Variants in ABCG5 observed in about 807,000 individuals in gnomAD.
ABCG5 encodes ATP binding cassette subfamily G member 5.
ABCG5 carries 64 observed loss-of-function variants against 64.5 expected under a neutral mutation model. That is an observed-to-expected ratio of 0.99 (90% CI 0.81 to 1.22). The LOEUF is 1.22. ABCG5 is among the 50% of genes most tolerant of loss of function. The pLI, the probability that ABCG5 is intolerant of heterozygous loss-of-function variation, is 0.00. For synonymous variants in ABCG5, 385 were observed against 326.3 expected, an observed-to-expected ratio of 1.18 and a Z score of -1.94; for missense variants, 908 against 829.5, an observed-to-expected ratio of 1.09 and a Z score of -1.16.
rs748096191 is a variant in ABCG5, at chr2:43,831,832, C to T, written c.438G>A (p.Glu146=). Residue 146 remains glutamate (E), a synonymous_variant, in exon 4 of 13, where the codon GAG becomes GAA. Coordinates refer to ENST00000405322, the MANE Select transcript of ABCG5 (RefSeq NM_022436.3). ...DTLLSSLTVR[E]TLHYTALLAI... is the part of the protein sequence containing the mutation. ...CCAGCAGCGCGGTGTAGTGCAGCGT[C>T]TCGCGCACGGTGAGGCTGCTCAGCA... The T allele has an allele frequency of 1.3e-6, 2 of 1,587,632 alleles. No individual in the cohort carries two copies. Among genetic ancestry groups the T allele is most frequent in the African/African-American group, 1.3e-5 (1 of 74,662 alleles).
intron 2 of ABCG5, among the ~76,000 whole-genome samples, chr2:43,832,866 G>C (rs1330501497): frequency 1.3e-5 from 2 of 152,182 alleles, no homozygotes; most frequent in African/African-American, 2.4e-5. Context: ...CTGGAGTGCA[G>C]TGGCACAATC....
At chr2:43,837,997 CT>C (rs758688852) in intron 1 of ABCG5, 42 bp from the exon 2 acceptor site, 15 of 1,612,624 alleles carry the variant, frequency 9.3e-6, no homozygotes, top group Admixed American at 1.7e-5. Context: ...GCTTGGGGCC[CT>C]GGAAGGGGCC....
chr2:43,822,282 C>T (rs896424916), intron 10 of ABCG5, among the ~76,000 whole-genome samples: 1 of 152,150 alleles, frequency 6.6e-6, no homozygotes, highest in Non-Finnish European at 1.5e-5. Context: ...CCTTTAACCC[C>T]TGCAATATTG....
In ABCG5 at chr2:43,838,652, C is replaced by T. The variant is rs761311404; in HGVS notation, c.28G>A (p.Gly10Arg). The change falls in exon 1 of 13, where the codon GGA becomes AGA. Residue 10 changes from glycine (G) to arginine (R), a missense_variant. Coordinates refer to ENST00000405322, the MANE Select transcript of ABCG5 (RefSeq NM_022436.3). The surrounding 1 kb of genome is among the most constrained non-coding windows in gnomAD (Gnocchi z 4.2). ...TTTACTTGGAGACCCATGGACCCTC[C>T]GGGGGTCAAAGATGAGAGGTCACCC... MGDLSSLTP[G>R]GSMGLQVNRG... is the part of the protein sequence containing the mutation. 24 of 1,613,608 alleles carry T rather than the reference C, an allele frequency of 1.5e-5. No individual in the cohort carries two copies. In the Admixed American group the frequency reaches 3.0e-4, roughly 20 times the overall value.
downstream of ABCG5, among the ~76,000 whole-genome samples, chr2:43,808,727 G>A (rs1391546649): frequency 1.3e-5 from 2 of 152,150 alleles, no homozygotes; most frequent in Non-Finnish European, 1.5e-5. Context: ...CTATCTGTGT[G>A]CTTTTTTCAT....
At chr2:43,823,070 G>A in intron 9 of ABCG5, 135 bp from the exon 10 acceptor site, 4 of 1,176,982 alleles carry the variant, frequency 3.4e-6, no homozygotes, top group Non-Finnish European at 4.9e-6. Flanking sequence ...AGTCATAGAA[G>A]GAGGGGACCT....
At chr2:43,815,345 A>C (rs889577870) in intron 11 of ABCG5, among the ~76,000 whole-genome samples, 2 of 152,226 alleles carry the variant, frequency 1.3e-5, no homozygotes, top group African/African-American at 4.8e-5. Flanking sequence ...TGAGAACTTC[A>C]AAAGATGTAT....
At chr2:43,817,174 C>CA (rs1184565116) in intron 11 of ABCG5, among the ~76,000 whole-genome samples, 4 of 152,210 alleles carry the variant, frequency 2.6e-5, no homozygotes, top group African/African-American at 9.7e-5. Context: ...GTATTCTTTG[C>CA]AACTGCCTAC....
chr2:43,837,210 C>T (rs572630573), intron 2 of ABCG5, among the ~76,000 whole-genome samples: 1 of 151,004 alleles, frequency 6.6e-6, no homozygotes, highest in African/African-American at 2.4e-5. Context: ...GTCTTAATCT[C>T]CTGGGCTCAA....
intron 11 of ABCG5, among the ~76,000 whole-genome samples, chr2:43,815,304 TTC>T (rs778782818): frequency 6.6e-6 from 1 of 152,222 alleles, no homozygotes; most frequent in Non-Finnish European, 1.5e-5. Flanking sequence ...ATAAAATTCT[TTC>T]TGTTTGCAAG....
intron 4 of ABCG5, among the ~76,000 whole-genome samples, chr2:43,831,229 A>G (rs868822814): frequency 3.6e-4 from 55 of 152,140 alleles, no homozygotes; most frequent in African/African-American, 1.3e-3. Flanking sequence ...CTGGAGTGCA[A>G]TGGTGCAATC....
At chr2:43,828,784 G>A (rs987281964) in intron 4 of ABCG5, among the ~76,000 whole-genome samples, 5 of 152,056 alleles carry the variant, frequency 3.3e-5, no homozygotes, top group Non-Finnish European at 4.4e-5. Flanking sequence ...TAGCCAACAC[G>A]GTGAAACCCT....
intron 11 of ABCG5, among the ~76,000 whole-genome samples, chr2:43,817,490 A>G (rs1012833879): frequency 1.3e-5 from 2 of 151,762 alleles, no homozygotes; most frequent in Non-Finnish European, 2.9e-5. Flanking sequence ...CTCTGCGTCA[A>G]GAAACAAACA....
chr2:43,827,170 C>A (rs1667663140), intron 5 of ABCG5, among the ~76,000 whole-genome samples: 1 of 151,900 alleles, frequency 6.6e-6, no homozygotes, highest in Admixed American at 6.6e-5. Context: ...ACTAAAAGAA[C>A]AAAAATTAGC....
intron 11 of ABCG5, among the ~76,000 whole-genome samples, chr2:43,816,730 T>C (rs1050642014): frequency 3.9e-5 from 6 of 152,050 alleles, no homozygotes; most frequent in Non-Finnish European, 7.4e-5. Flanking sequence ...TGTTGTTAAA[T>C]GGGAAAAAAA....
chr2:43,836,214 T>C (rs6728053), intron 2 of ABCG5, among the ~76,000 whole-genome samples: 67,387 of 151,728 alleles, frequency 0.44, 15,959 homozygotes, highest in East Asian at 0.84. Context: ...GTGCTGGGAT[T>C]ACAAGCATGA....
upstream of ABCG5, chr2:43,839,212 AC>A: frequency 3.0e-6 from 4 of 1,312,184 alleles, no homozygotes; most frequent in South Asian, 1.3e-5. Context: ...TCCTAGCACC[AC>A]CCGGACATCA....
At chr2:43,807,509 G>C (rs138749148), downstream of ABCG5, among the ~76,000 whole-genome samples, 18 of 151,952 alleles carry the variant, frequency 1.2e-4, no homozygotes, top group African/African-American at 3.6e-4. Context: ...GGGAGATCAT[G>C]GCTCACTGCA....
intron 2 of ABCG5, among the ~76,000 whole-genome samples, chr2:43,834,114 G>C (rs111933396): frequency 0.013 from 2,048 of 152,328 alleles, 54 homozygotes; most frequent in African/African-American, 0.047. Flanking sequence ...GCGTGTTCAG[G>C]AGGTGGACAG....
Sources: allele counts gnomAD v4.1 joint callset (sites outside exome capture counted in the v4.1 genomes callset), GRCh38; gene constraint gnomAD v4.1.1; non-coding constraint Gnocchi (gnomAD v3.1); transcripts MANE v1.5; gene names NCBI Gene and HGNC (gene_info 2026-07-23, HGNC 2026-07-21).